Variants in PLCZ1 observed in about 807,000 individuals in gnomAD.
PLCZ1 encodes the protein 1-phosphatidylinositol 4,5-bisphosphate phosphodiesterase zeta-1.
Under a neutral mutation model 76.8 loss-of-function variants are expected in PLCZ1, and 64 were observed. The ratio of observed to expected loss-of-function variants is 0.83; its 90% confidence interval spans 0.68 to 1.03. The LOEUF (loss-of-function observed/expected upper bound fraction) is 1.03. Ranked by LOEUF, PLCZ1 falls within the 50% of genes least tolerant of loss-of-function variation. The pLI is 0.00. For missense variants in PLCZ1, 751 were observed against 713.7 expected, an observed-to-expected ratio of 1.05 and a Z score of -0.60; for synonymous variants, 248 against 230.8, an observed-to-expected ratio of 1.07 and a Z score of -0.68.
chr12:18,647,535 A>C, the PLCZ1 span, among the ~76,000 whole-genome samples: 8 of 152,122 alleles, frequency 5.3e-5, no homozygotes, highest in Admixed American at 5.2e-4. Flanking sequence ...TTATGAATAC[A>C]TAATAGCTGT....
intron 12 of PLCZ1, chr12:18,694,078 C>T: frequency 8.2e-7 from 1 of 1,216,176 alleles, no homozygotes; most frequent in East Asian, 2.4e-5. Flanking sequence ...AGGAAGACAC[C>T]CCTGAGGGGC....
the PLCZ1 span, among the ~76,000 whole-genome samples, chr12:18,655,502 C>A: frequency 6.6e-6 from 1 of 152,182 alleles, no homozygotes; most frequent in Non-Finnish European, 1.5e-5. Flanking sequence ...TAGAACATAG[C>A]TACCCATTCC....
chr12:18,675,304 G>A, the PLCZ1 span, among the ~76,000 whole-genome samples: 1 of 152,146 alleles, frequency 6.6e-6, no homozygotes, highest in Admixed American at 6.6e-5. Context: ...GCTGTTTCAA[G>A]CCACTCTGTT....
chr12:18,717,845 A>G (rs1189220494), intron 5 of PLCZ1, among the ~76,000 whole-genome samples: 1 of 152,192 alleles, frequency 6.6e-6, no homozygotes, highest in Non-Finnish European at 1.5e-5. Context: ...TTTCAACATT[A>G]TGATAATGCA....
chr12:18,736,080 A>G, intron 3 of PLCZ1, 141 bp downstream of exon 3: 1 of 917,484 alleles, frequency 1.1e-6, no homozygotes, highest in Non-Finnish European at 1.6e-6. Context: ...TTCTACTGAA[A>G]TGCTCTCCAT....
chr12:18,666,856 T>C, the PLCZ1 span, among the ~76,000 whole-genome samples: 1 of 152,222 alleles, frequency 6.6e-6, no homozygotes, highest in Non-Finnish European at 1.5e-5. Context: ...AAACTCCATT[T>C]CTTATTTTTG....
intron 6 of PLCZ1, among the ~76,000 whole-genome samples, chr12:18,707,466 T>C (rs1344896146): frequency 2.0e-5 from 3 of 152,178 alleles, no homozygotes; most frequent in Admixed American, 6.5e-5. Flanking sequence ...CTTTCTTTTA[T>C]CTTCCCTGGC....
rs759357713 is a variant in PLCZ1, at chr12:18,705,324, G to A, written c.715-9C>T. Reference sequence around the variant, plus strand: ...ACTGGGTAGTCAGATGTCTAAAAAAGTAACCATTACTATGGTTATTCATCA... The same window carrying A: ...ACTGGGTAGTCAGATGTCTAAAAAAATAACCATTACTATGGTTATTCATCA... On this transcript the variant is annotated splice_polypyrimidine_tract_variant and intron_variant, in intron 6 of 14. Transcript: ENST00000266505. The A allele has an allele frequency of 6.8e-6, 11 of 1,613,922 alleles. No homozygotes were observed. The highest frequency in any genetic ancestry group is 1.7e-4 in the Middle Eastern group (1 of 6,058).
the PLCZ1 span, among the ~76,000 whole-genome samples, chr12:18,658,328 T>C: frequency 5.5e-4 from 84 of 152,256 alleles, no homozygotes; most frequent in Middle Eastern, 0.024. Flanking sequence ...ATGAATTACA[T>C]CCAAGAGGCT....
At chr12:18,723,866 G>A (rs929482193) in intron 3 of PLCZ1, among the ~76,000 whole-genome samples, 1 of 152,028 alleles carries the variant, frequency 6.6e-6, no homozygotes, top group African/African-American at 2.4e-5. Context: ...ATACCAGGCA[G>A]TGTGTAATCT....
Position 18,693,847 on chromosome 12 carries a change from T to G in PLCZ1, c.1461+1063A>C. 3 of 1,526,694 alleles carry G rather than the reference T, an allele frequency of 2.0e-6. No individual in the cohort carries two copies. In the South Asian group the frequency reaches 3.4e-5, roughly 17 times the overall value. 94.6% of individuals were successfully genotyped at this position (1,526,694 alleles called of 1,614,324 possible). On this transcript the variant is annotated intron_variant, in intron 12 of 14. Transcript: ENST00000266505. ...GGAAGATTGAGTTCCCCCTGCCTGATGAAAAGACGAAGAAGCCCATCTTTC... is the reference window on the plus strand; with the variant it reads ...GGAAGATTGAGTTCCCCCTGCCTGAGGAAAAGACGAAGAAGCCCATCTTTC...
chr12:18,724,792 A>T lies in PLCZ1; in HGVS notation c.136-1250T>A, dbSNP rs561914238. Among the ~76,000 whole-genome samples the T allele has an allele frequency of 3.3e-5, 5 of 152,240 alleles. No homozygotes were observed. In the South Asian group the frequency reaches 1.0e-3, roughly 32 times the overall value. On this transcript the variant is annotated intron_variant, in intron 3 of 14. Transcript: ENST00000266505. ...TTTGTCATAAAATCTTAAGCAAGTC[A>T]ATAAAAATTTAAAATGTGCCCGTAA...
intron 3 of PLCZ1, among the ~76,000 whole-genome samples, chr12:18,727,776 G>C (rs1958836491): frequency 6.6e-6 from 1 of 152,150 alleles, no homozygotes. Context: ...CAGTGTAGAA[G>C]GTAGATGTTG....
intron 12 of PLCZ1, 116 bp downstream of exon 12, chr12:18,694,794 A>T (rs12826151): frequency 5.6e-5 from 48 of 858,656 alleles, no homozygotes; most frequent in Non-Finnish European, 7.5e-5. Flanking sequence ...GTACCTGAAA[A>T]GATTAACAGA....
At position 18,713,068 on chromosome 12, in the gene PLCZ1, A is replaced by G. The variant is rs1957528496; in HGVS notation, c.570-82T>C. The G allele has an allele frequency of 3.7e-5, 57 of 1,537,804 alleles. 1 individual carries two copies. In the South Asian group the frequency reaches 6.2e-4, roughly 17 times the overall value. On this transcript the variant is annotated intron_variant, in intron 5 of 14. Coordinates refer to ENST00000266505, the MANE Select transcript of PLCZ1 (RefSeq NM_033123.4). ...AAAGTATTAAAATATTCCAAAGACC[A>G]TTTGATTTTATAATAAATGCATAAA...
intron 10 of PLCZ1, among the ~76,000 whole-genome samples, chr12:18,697,215 C>T (rs989408905): frequency 1.3e-5 from 2 of 152,056 alleles, no homozygotes; most frequent in Admixed American, 6.6e-5. Context: ...GCTAAACCAA[C>T]TAGAATAGAA....
rs185655714 is a variant in PLCZ1, at chr12:18,717,787, C to G, written c.569+1644G>C. Among the ~76,000 whole-genome samples, 485 of 152,216 alleles carry G rather than the reference C, an allele frequency of 3.2e-3. 2 individuals are homozygous for G. Among genetic ancestry groups the G allele is most frequent in the African/African-American group, 0.011 (464 of 41,532 alleles). Reference sequence around the variant, plus strand: ...ACCTGGTAAGTCATGTTGGCTATACCTCCTAAAATTACATGGTCCCCAACA... The same window carrying G: ...ACCTGGTAAGTCATGTTGGCTATACGTCCTAAAATTACATGGTCCCCAACA... On this transcript the variant is annotated intron_variant, in intron 5 of 14. Coordinates refer to ENST00000266505, the MANE Select transcript of PLCZ1 (RefSeq NM_033123.4).
intron 3 of PLCZ1, among the ~76,000 whole-genome samples, chr12:18,732,714 T>C (rs918471629): frequency 2.6e-5 from 4 of 152,246 alleles, no homozygotes; most frequent in Admixed American, 2.6e-4. Context: ...AGTGGTGTCA[T>C]GCACTATTTG....
At chr12:18,670,295 C>CACACAA in the PLCZ1 span, among the ~76,000 whole-genome samples, 2 of 138,246 alleles carry the variant, frequency 1.4e-5, no homozygotes, top group African/African-American at 5.2e-5. Context: ...CACATATGCG[C>CACACAA]ACACACACAC....
Sources: gnomAD v4.1 joint callset for allele counts (sites outside exome capture counted in the v4.1 genomes callset) on GRCh38, gnomAD v4.1.1 for gene constraint, MANE v1.5 for transcripts, NCBI Gene and HGNC (gene_info 2026-07-23, HGNC 2026-07-21) for gene names.